The following DYNLT2 variants were observed in gnomAD, a reference collection of about 807,000 sequenced individuals.
DYNLT2 encodes dynein light chain Tctex-type protein 2.
In DYNLT2, 24 loss-of-function variants were observed where a neutral mutation model predicts 24.3. The observed-to-expected ratio is 0.99, with a 90% CI of 0.71 to 1.39. The LOEUF (loss-of-function observed/expected upper bound fraction) is 1.39. DYNLT2 is among the 40% of genes most tolerant of loss of function. DYNLT2 has a pLI of 0.00. For synonymous variants in DYNLT2, 85 were observed against 85.4 expected, an observed-to-expected ratio of 1.00 and a Z score of 0.03; for missense variants, 246 against 234.5, an observed-to-expected ratio of 1.05 and a Z score of -0.32.
the DYNLT2 span, among the ~76,000 whole-genome samples, chr6:169,729,348 A>G: frequency 6.6e-6 from 1 of 152,116 alleles, no homozygotes; most frequent in African/African-American, 2.4e-5. Flanking sequence ...TCATTTTCAA[A>G]TTCCCTAATC....
At chr6:169,751,306 C>T (rs539340706) in intron 1 of DYNLT2, 33 bp downstream of exon 1, 3 of 1,601,952 alleles carry the variant, frequency 1.9e-6, no homozygotes, top group Admixed American at 3.4e-5. Flanking sequence ...TCGGACATAG[C>T]CGTCTCGGGC....
At chr6:169,733,604 G>A in the DYNLT2 span, among the ~76,000 whole-genome samples, 1 of 152,120 alleles carries the variant, frequency 6.6e-6, no homozygotes, top group Non-Finnish European at 1.5e-5. Context: ...GTAGATGTGT[G>A]GTGTTATTTC....
At chr6:169,733,431 A>T in the DYNLT2 span, among the ~76,000 whole-genome samples, 1 of 152,184 alleles carries the variant, frequency 6.6e-6, no homozygotes, top group African/African-American at 2.4e-5. Context: ...TTTACATTTA[A>T]GTCTTTAATC....
At chr6:169,740,544 C>A (rs1010828344) in intron 3 of DYNLT2, among the ~76,000 whole-genome samples, 1 of 152,094 alleles carries the variant, frequency 6.6e-6, no homozygotes, top group African/African-American at 2.4e-5. Flanking sequence ...TTTCCAGGGC[C>A]AGGAGCAGAA....
rs116228299 is a variant in DYNLT2 at position 169,748,626 on chromosome 6, A to G, written c.120+2713T>C. On this transcript the variant is annotated intron_variant, in intron 1 of 3. Coordinates refer to ENST00000366774, the MANE Select transcript of DYNLT2 (RefSeq NM_174910.3). ...TATTAGCTCCCTAAACCTCTTAAAAACAAAATCATTTTGTTCTTGTTTATT... is the reference window on the plus strand; with the variant it reads ...TATTAGCTCCCTAAACCTCTTAAAAGCAAAATCATTTTGTTCTTGTTTATT... 7.4e-3 allele frequency among the ~76,000 whole-genome samples: 1,125 copies of G among 152,194 alleles called. 14 individuals are homozygous for G. The highest frequency in any genetic ancestry group is 0.025 in the African/African-American group (1,037 of 41,548).
chr6:169,742,126 C>G (rs1478261364), intron 3 of DYNLT2, among the ~76,000 whole-genome samples: 3 of 152,206 alleles, frequency 2.0e-5, no homozygotes, highest in Non-Finnish European at 4.4e-5. Flanking sequence ...GTGATATTAT[C>G]TCTTTATTAA....
chr6:169,732,384 A>G, the DYNLT2 span, among the ~76,000 whole-genome samples: 1 of 152,212 alleles, frequency 6.6e-6, no homozygotes, highest in African/African-American at 2.4e-5. Context: ...ATAGGTATAC[A>G]TGTGCCGTGG....
At chr6:169,726,397 G>T in the DYNLT2 span, among the ~76,000 whole-genome samples, 7 of 152,258 alleles carry the variant, frequency 4.6e-5, no homozygotes, top group South Asian at 1.5e-3. Flanking sequence ...TTTAAAGACA[G>T]GTAAGAAAGA....
At chr6:169,741,799 T>C (rs1789684504) in intron 3 of DYNLT2, among the ~76,000 whole-genome samples, 1 of 152,172 alleles carries the variant, frequency 6.6e-6, no homozygotes, top group African/African-American at 2.4e-5. Flanking sequence ...AAGTAGCCAC[T>C]CTGCTACTCT....
At chr6:169,725,544 G>A in the DYNLT2 span, 1 of 389,542 alleles carries the variant, frequency 2.6e-6, no homozygotes, top group Non-Finnish European at 4.5e-6. Flanking sequence ...GCAGGTGTAA[G>A]CTTCCGCCGC....
At chr6:169,743,848 A>G (rs1216939115) in intron 2 of DYNLT2, among the ~76,000 whole-genome samples, 1 of 152,192 alleles carries the variant, frequency 6.6e-6, no homozygotes, top group Non-Finnish European at 1.5e-5. Flanking sequence ...ACTATAAAGC[A>G]TTACTCTTAC....
chr6:169,743,070 G>A lies in DYNLT2; in HGVS notation c.486+10C>T. On this transcript the variant is annotated intron_variant, in intron 3 of 3. Transcript: ENST00000366774. Reference sequence around the variant, plus strand: ...CTAATTGCTAGATCCTGTATCAATGGGGTACTTACATTTATTGCTTGGCCA... The same window carrying A: ...CTAATTGCTAGATCCTGTATCAATGAGGTACTTACATTTATTGCTTGGCCA... The A allele has an allele frequency of 3.3e-6, 5 of 1,521,168 alleles. No individual in the cohort carries two copies. The highest frequency in any genetic ancestry group is 4.4e-6 in the Non-Finnish European group (5 of 1,123,922). The allele number at this position is 1,521,168 out of a possible 1,614,324, so 94.2% of individuals were successfully genotyped here.
intron 1 of DYNLT2, 61 bp downstream of exon 1, chr6:169,751,278 G>A (rs1790040548): frequency 1.3e-6 from 2 of 1,560,420 alleles, no homozygotes; most frequent in Admixed American, 1.8e-5. Flanking sequence ...CCACTGGGGA[G>A]CGATTTCACT....
At chr6:169,727,570 T>C in the DYNLT2 span, among the ~76,000 whole-genome samples, 1 of 143,358 alleles carries the variant, frequency 7.0e-6, no homozygotes, top group Admixed American at 6.9e-5. Flanking sequence ...TTTTGTTTTT[T>C]TGTTTTTTTT....
Position 169,743,226 on chromosome 6 carries a change from C to G in DYNLT2, c.340G>C (p.Asp114His), listed in dbSNP as rs1233094438. The G allele has an allele frequency of 2.1e-5, 31 of 1,475,608 alleles. No individual in the cohort carries two copies. The Admixed American group carries it at 6.5e-4, about 31-fold the overall frequency. The allele number at this position is 1,475,608 out of a possible 1,614,324, so 91.4% of individuals were successfully genotyped here. A position where few individuals can be genotyped will look rare whatever the true frequency, so the allele number is the denominator to read the frequency against. ...VQQILTESLK[D>H]VKYDDKVFSH... ...AATACTTTATCATCATATTTGACAT[C>G]TTTAAGACTTTCCTTTAAGAAAATT... is the stretch of plus-strand genomic sequence containing the variant. The change falls in exon 3 of 4, where the codon GAT becomes CAT. Residue 114 changes from aspartate (D) to histidine (H), a missense_variant. Coordinates refer to ENST00000366774, the MANE Select transcript of DYNLT2 (RefSeq NM_174910.3).
In DYNLT2 at chr6:169,745,772, G is replaced by A. The variant is rs534784458; in HGVS notation, c.121-1498C>T. Among the ~76,000 whole-genome samples, 12 of 152,202 alleles carry A rather than the reference G, an allele frequency of 7.9e-5. No homozygotes were observed. The South Asian group carries it at 2.5e-3, about 32-fold the overall frequency. On this transcript the variant is annotated intron_variant, in intron 1 of 3. Coordinates refer to ENST00000366774, the MANE Select transcript of DYNLT2 (RefSeq NM_174910.3). ...ATCTTTGTCTGCCTTTGGTATTAGG[G>A]TAATGCTGACTTCACAGAATGAGTT...
In DYNLT2 at chr6:169,740,150, T is replaced by A. The variant is rs767338730; in HGVS notation, c.*35A>T. On this transcript the variant is annotated 3_prime_UTR_variant, in exon 4 of 4. Transcript: ENST00000366774. Reference sequence around the variant, plus strand: ...GTAAATTTCATTTATTTTTGAAAAGTTCGGAAGTAAACAATCCTTAGTACC... The same window carrying A: ...GTAAATTTCATTTATTTTTGAAAAGATCGGAAGTAAACAATCCTTAGTACC... The A allele has an allele frequency of 5.2e-6, 7 of 1,346,612 alleles. No individual in the cohort carries two copies. The Middle Eastern group carries it at 5.4e-4, about 104-fold the overall frequency. The allele number at this position is 1,346,612 out of a possible 1,614,324, so 83.4% of individuals were successfully genotyped here. A position where few individuals can be genotyped will look rare whatever the true frequency, so the allele number is the denominator to read the frequency against.
chr6:169,749,189 T>TC (rs1459855412), intron 1 of DYNLT2, among the ~76,000 whole-genome samples: 1 of 152,108 alleles, frequency 6.6e-6, no homozygotes, highest in Non-Finnish European at 1.5e-5. Flanking sequence ...AACTTCCTCC[T>TC]CCCGGGTTCA....
the DYNLT2 span, among the ~76,000 whole-genome samples, chr6:169,728,363 T>C: frequency 6.6e-6 from 1 of 152,200 alleles, no homozygotes; most frequent in African/African-American, 2.4e-5. Context: ...CAGGAAATGA[T>C]TGCATGAGAA....
Sources: gnomAD v4.1 joint callset for allele counts (sites outside exome capture counted in the v4.1 genomes callset) on GRCh38, gnomAD v4.1.1 for gene constraint, MANE v1.5 for transcripts, NCBI Gene and HGNC (gene_info 2026-07-23, HGNC 2026-07-21) for gene names.